KCNN2: variants seen among roughly 807,000 people sequenced by gnomAD.
The protein encoded by KCNN2 is potassium calcium-activated channel subfamily N member 2.
In KCNN2, 24 loss-of-function variants were observed where a neutral mutation model predicts 55.5. The observed-to-expected ratio is 0.43, with a 90% CI of 0.31 to 0.61. The LOEUF (loss-of-function observed/expected upper bound fraction) is 0.61, where lower values mean the gene tolerates loss of function less well. Among genes scored for constraint, KCNN2 ranks in the 20% least tolerant of loss-of-function variants. The pLI is 0.08. For synonymous variants in KCNN2, 431 were observed against 336.1 expected, an observed-to-expected ratio of 1.28 and a Z score of -3.09; for missense variants, 754 against 853.6, an observed-to-expected ratio of 0.88 and a Z score of 1.45.
chr5:114,495,804 C>A, intron 7 of KCNN2, 91 bp from the exon 8 acceptor site: 2 of 1,259,442 alleles, frequency 1.6e-6, no homozygotes, highest in Non-Finnish European at 1.1e-6. Context: ...CTGAATGCCA[C>A]CAGCAAGAGA....
upstream of KCNN2, among the ~76,000 whole-genome samples, chr5:114,357,888 A>G (rs1282694306): frequency 6.6e-6 from 1 of 151,482 alleles, no homozygotes; most frequent in Non-Finnish European, 1.5e-5. Flanking sequence ...GACTTCCACA[A>G]TGGTTGAACT....
chr5:114,126,438 A>T (rs1430767748), intron 1 of KCNN2, among the ~76,000 whole-genome samples: 1 of 152,120 alleles, frequency 6.6e-6, no homozygotes, highest in East Asian at 1.9e-4. Context: ...AGTGCCCAGT[A>T]TAGGGGGAAG....
chr5:114,290,827 G>C (rs1334683498), intron 2 of KCNN2, among the ~76,000 whole-genome samples: 1 of 152,028 alleles, frequency 6.6e-6, no homozygotes, highest in Non-Finnish European at 1.5e-5. Context: ...AATCCTCCTT[G>C]TGGTTTCTTT....
At chr5:114,464,884 G>C (rs1373942512) in intron 4 of KCNN2, among the ~76,000 whole-genome samples, 1 of 150,674 alleles carries the variant, frequency 6.6e-6, no homozygotes, top group Non-Finnish European at 1.5e-5. Flanking sequence ...TCAAATAATA[G>C]CATTTTATTA....
At chr5:114,317,431 C>T (rs1197325570) in intron 2 of KCNN2, among the ~76,000 whole-genome samples, 2 of 152,122 alleles carry the variant, frequency 1.3e-5, no homozygotes, top group African/African-American at 4.8e-5. Context: ...TATCTGAAAT[C>T]GCTCATGCCA....
At chr5:114,244,290 TG>T (rs1754706464) in intron 2 of KCNN2, among the ~76,000 whole-genome samples, 1 of 150,608 alleles carries the variant, frequency 6.6e-6, no homozygotes, top group African/African-American at 2.5e-5. Context: ...AAGAGCAAGA[TG>T]GAATTTTTTT....
chr5:114,142,554 A>T (rs1445127783), intron 1 of KCNN2, among the ~76,000 whole-genome samples: 3 of 152,198 alleles, frequency 2.0e-5, no homozygotes, highest in African/African-American at 7.2e-5. Context: ...CAAAGATCAC[A>T]GGCATTCTTA....
At chr5:114,241,636 A>G (rs532596395) in intron 2 of KCNN2, among the ~76,000 whole-genome samples, 3 of 149,582 alleles carry the variant, frequency 2.0e-5, no homozygotes, top group Non-Finnish European at 3.0e-5. Context: ...GCAAAAACGT[A>G]ATCTATGTTA....
At position 114,401,302 on chromosome 5, in the gene KCNN2, C is replaced by G. The variant is rs180883016; in HGVS notation, c.1219-3136C>G. On this transcript the variant is annotated intron_variant, in intron 2 of 7. Coordinates refer to ENST00000673685, the MANE Select transcript of KCNN2 (RefSeq NM_021614.4). ...GGAAGTTACCAAAGAGGAAAGTTATCTGGACTCTATGGAACTGCAAAATTA... is the reference window on the plus strand; with the variant it reads ...GGAAGTTACCAAAGAGGAAAGTTATGTGGACTCTATGGAACTGCAAAATTA... Among the ~76,000 whole-genome samples, 81 of 152,240 alleles carry G rather than the reference C, an allele frequency of 5.3e-4. No homozygotes were observed. The South Asian group carries it at 9.3e-3, about 18-fold the overall frequency.
chr5:114,376,133 G>A (rs1044146659), intron 2 of KCNN2, among the ~76,000 whole-genome samples: 1 of 151,918 alleles, frequency 6.6e-6, no homozygotes, highest in Non-Finnish European at 1.5e-5. Context: ...TGAAGATCCA[G>A]CCCACTCACT....
At chr5:114,358,903 G>T (rs1305337925), upstream of KCNN2, among the ~76,000 whole-genome samples, 1 of 152,178 alleles carries the variant, frequency 6.6e-6, no homozygotes, top group African/African-American at 2.4e-5. Flanking sequence ...GAGGAATGAT[G>T]AAAATAAGAA....
At chr5:114,356,293 T>G (rs1016657402) in intron 2 of KCNN2, among the ~76,000 whole-genome samples, 3 of 152,288 alleles carry the variant, frequency 2.0e-5, no homozygotes, top group African/African-American at 7.2e-5. Flanking sequence ...TGTTGTGAGA[T>G]GCAAATAAAA....
chr5:114,288,497 T>TAAAC (rs371769820), intron 2 of KCNN2, among the ~76,000 whole-genome samples: 4 of 128,776 alleles, frequency 3.1e-5, no homozygotes, highest in Non-Finnish European at 4.8e-5. Flanking sequence ...TATATATATA[T>TAAAC]ATACACACAC....
intron 1 of KCNN2, among the ~76,000 whole-genome samples, chr5:114,106,850 A>T (rs2112577101): frequency 6.6e-6 from 1 of 152,020 alleles, no homozygotes; most frequent in Non-Finnish European, 1.5e-5. Flanking sequence ...TGTCTTAATA[A>T]CTTTTTATGA....
intron 2 of KCNN2, among the ~76,000 whole-genome samples, chr5:114,319,404 C>T (rs1046648423): frequency 3.9e-5 from 6 of 152,152 alleles, no homozygotes; most frequent in African/African-American, 1.4e-4. Flanking sequence ...TTGGTACTGC[C>T]TTTCTGTCAT....
At chr5:114,209,122 T>A in intron 1 of KCNN2, among the ~76,000 whole-genome samples, 1 of 151,480 alleles carries the variant, frequency 6.6e-6, no homozygotes, top group Non-Finnish European at 1.5e-5. Context: ...AGTGGCACAA[T>A]CCTGGCTCAC....
intron 3 of KCNN2, among the ~76,000 whole-genome samples, chr5:114,458,039 TTC>T (rs766313755): frequency 1.1e-4 from 16 of 152,328 alleles, no homozygotes; most frequent in Non-Finnish European, 1.8e-4. Context: ...TTGTTTCTTC[TTC>T]TCTGATGTCT....
intron 3 of KCNN2, among the ~76,000 whole-genome samples, chr5:114,451,446 C>T (rs1760673851): frequency 6.6e-6 from 1 of 152,072 alleles, no homozygotes; most frequent in African/African-American, 2.4e-5. Context: ...TACGCACACA[C>T]ACACAGGGAG....
chr5:114,438,719 C>G (rs1363211895), intron 3 of KCNN2, among the ~76,000 whole-genome samples: 1 of 152,166 alleles, frequency 6.6e-6, no homozygotes, highest in Non-Finnish European at 1.5e-5. Flanking sequence ...GCCTACCAGC[C>G]ATCTTACCTT....
Sources: allele counts gnomAD v4.1 joint callset (sites outside exome capture counted in the v4.1 genomes callset), GRCh38; gene constraint gnomAD v4.1.1; transcripts MANE v1.5; gene names NCBI Gene and HGNC (gene_info 2026-07-23, HGNC 2026-07-21).